ONECUT2: variants seen among roughly 807,000 people sequenced by gnomAD.
ONECUT2 encodes one cut domain family member 2.
A neutral mutation model predicts 27.9 loss-of-function variants in ONECUT2; 10 were observed. That is an observed-to-expected ratio of 0.36 (90% confidence interval 0.22 to 0.61). The LOEUF is 0.61. Among genes scored for constraint, ONECUT2 ranks in the 20% least tolerant of loss-of-function variants. ONECUT2 has a pLI of 0.73. For missense variants in ONECUT2, 686 were observed against 721.0 expected, an observed-to-expected ratio of 0.95 and a Z score of 0.56; for synonymous variants, 334 against 315.1, an observed-to-expected ratio of 1.06 and a Z score of -0.64.
In ONECUT2 at chr18:57,435,969, C is replaced by T. The variant is rs2050137485; in HGVS notation, c.253C>T (p.Pro85Ser). 4 of 1,420,574 alleles carry T rather than the reference C, an allele frequency of 2.8e-6. No homozygotes were observed. Among genetic ancestry groups the T allele is most frequent in the Non-Finnish European group, 3.7e-6 (4 of 1,093,348 alleles). The allele number at this position is 1,420,574 out of a possible 1,614,324, so 88.0% of individuals were successfully genotyped here. ...CTCGCTGCGGGGCCCTCCGCCGCCTCCAACCGCGCACCAGGAGCTGGGCAC... is the reference window on the plus strand; with the variant it reads ...CTCGCTGCGGGGCCCTCCGCCGCCTTCAACCGCGCACCAGGAGCTGGGCAC... ...AGSLRGPPPP[P>S]TAHQELGTAA... Residue 85 changes from proline (P) to serine (S), a missense_variant, in exon 1 of 2, where the codon CCA becomes TCA. Physicochemically the swap from Pro to Ser is moderately conservative, Grantham distance 74. Around this residue, in one of 4 missense-constraint regions of ONECUT2, gnomAD observed 511 missense variants for 488.1 expected, o/e 1.05. Coordinates refer to ENST00000491143, the MANE Select transcript of ONECUT2 (RefSeq NM_004852.3).
rs909419939 is a variant in ONECUT2, at chr18:57,481,749, C to A, written c.*5026C>A. On this transcript the variant is annotated 3_prime_UTR_variant, in exon 2 of 2. Transcript: ENST00000491143. ...TATTTTAAAATCTAAGAAGAAAAGG[C>A]CTGTTTCCAATGTTGTTGAAGAATA... 2.6e-5 allele frequency: 4 copies of A among 152,120 alleles called. No homozygotes were observed. The highest frequency in any genetic ancestry group is 9.7e-5 in the African/African-American group (4 of 41,412). The allele number at this position is 152,120 out of a possible 1,614,324, so 9.4% of individuals were successfully genotyped here.
chr18:57,458,971 A>G (rs938709084), intron 1 of ONECUT2, among the ~76,000 whole-genome samples: 2 of 152,204 alleles, frequency 1.3e-5, no homozygotes, highest in African/African-American at 4.8e-5. Flanking sequence ...TATGATTTCT[A>G]ATGAACCTTG....
chr18:57,451,966 C>G (rs11872688), intron 1 of ONECUT2, among the ~76,000 whole-genome samples: 16,281 of 152,016 alleles, frequency 0.11, 1,754 homozygotes, highest in East Asian at 0.36. Context: ...TGGTGTTTTT[C>G]TTTGTTTGTT....
chr18:57,445,172 T>C (rs2050194757), intron 1 of ONECUT2, among the ~76,000 whole-genome samples: 1 of 152,202 alleles, frequency 6.6e-6, no homozygotes. Context: ...GTTGCCACAA[T>C]TATTTTGGTT....
intron 1 of ONECUT2, among the ~76,000 whole-genome samples, chr18:57,457,110 A>G (rs1345739177): frequency 1.3e-5 from 2 of 152,222 alleles, no homozygotes; most frequent in African/African-American, 2.4e-5. Flanking sequence ...AGGAACTGCC[A>G]TACTATTTCC....
At chr18:57,443,922 T>G (rs1020206398) in intron 1 of ONECUT2, among the ~76,000 whole-genome samples, 5 of 152,260 alleles carry the variant, frequency 3.3e-5, no homozygotes, top group South Asian at 2.1e-4. Context: ...TTGTTTGGGT[T>G]GGAAGCACAC....
rs2050440753 is a variant in ONECUT2, at chr18:57,486,752, G to A, written c.*10029G>A. ...TGGATTGGGGAAAGTTGCAGAATGAGCCCAAAGTTTACAGTTTCATATTTT... is the reference window on the plus strand; with the variant it reads ...TGGATTGGGGAAAGTTGCAGAATGAACCCAAAGTTTACAGTTTCATATTTT... On this transcript the variant is annotated 3_prime_UTR_variant, in exon 2 of 2. Transcript: ENST00000491143. 1 of 152,554 alleles carries A rather than the reference G, an allele frequency of 6.6e-6. No individual in the cohort carries two copies. The highest frequency in any genetic ancestry group is 2.4e-5 in the African/African-American group (1 of 41,416). The allele number at this position is 152,554 out of a possible 1,614,324, so 9.5% of individuals were successfully genotyped here. A position where few individuals can be genotyped will look rare whatever the true frequency, so the allele number is the denominator to read the frequency against.
Position 57,479,315 on chromosome 18 carries a change from T to G in ONECUT2, c.*2592T>G. 6.6e-6 allele frequency: 1 copy of G among 152,496 alleles called. No homozygotes were observed. Among genetic ancestry groups the G allele is most frequent in the South Asian group, 2.1e-4 (1 of 4,832 alleles). 9.4% of individuals were successfully genotyped at this position (152,496 alleles called of 1,614,324 possible). A position where few individuals can be genotyped will look rare whatever the true frequency, so the allele number is the denominator to read the frequency against. On this transcript the variant is annotated 3_prime_UTR_variant, in exon 2 of 2. Coordinates refer to ENST00000491143, the MANE Select transcript of ONECUT2 (RefSeq NM_004852.3). Reference sequence around the variant, plus strand: ...CTATTAGCTTTTTAAAAATCAGCTGTAAAGTTGCATTTCTAAAGAAAGATA... The same window carrying G: ...CTATTAGCTTTTTAAAAATCAGCTGGAAAGTTGCATTTCTAAAGAAAGATA...
At position 57,476,813 on chromosome 18, in the gene ONECUT2, G is replaced by A. The variant is rs3745071; in HGVS notation, c.*90G>A. 358,051 of 1,412,120 alleles carry A rather than the reference G, an allele frequency of 0.25. 49,988 individuals are homozygous for A. Among genetic ancestry groups the A allele is most frequent in the African/African-American group, 0.48 (33,369 of 69,422 alleles). 87.5% of individuals were successfully genotyped at this position (1,412,120 alleles called of 1,614,324 possible). A position where few individuals can be genotyped will look rare whatever the true frequency, so the allele number is the denominator to read the frequency against. ...AAAGGAAAAAGACACCGGATTCCTA[G>A]CTGGGGCCCTTCACTGGTGATTTGA... On this transcript the variant is annotated 3_prime_UTR_variant, in exon 2 of 2. Transcript: ENST00000491143.
chr18:57,446,291 C>T (rs964835352), intron 1 of ONECUT2, among the ~76,000 whole-genome samples: 2 of 152,236 alleles, frequency 1.3e-5, no homozygotes, highest in Non-Finnish European at 2.9e-5. Context: ...CAATCACACA[C>T]ATACAGAAAA....
intron 1 of ONECUT2, among the ~76,000 whole-genome samples, chr18:57,464,009 CT>C (rs1202629579): frequency 4.0e-5 from 6 of 151,766 alleles, no homozygotes; most frequent in African/African-American, 1.2e-4. Flanking sequence ...AAAAAAGTCC[CT>C]CATATTAACT....
chr18:57,442,303 C>T (rs2144295438), intron 1 of ONECUT2, among the ~76,000 whole-genome samples: 1 of 136,624 alleles, frequency 7.3e-6, no homozygotes, highest in East Asian at 2.2e-4. Flanking sequence ...CTGAGCTTTT[C>T]CAACAGCGGG....
At chr18:57,473,881 A>C (rs1304727025) in intron 1 of ONECUT2, among the ~76,000 whole-genome samples, 3 of 152,212 alleles carry the variant, frequency 2.0e-5, no homozygotes, top group Non-Finnish European at 2.9e-5. Context: ...TCCAACAAAA[A>C]TATGCAGTCT....
intron 1 of ONECUT2, among the ~76,000 whole-genome samples, chr18:57,473,949 G>C (rs1039569135): frequency 1.3e-5 from 2 of 152,200 alleles, no homozygotes; most frequent in African/African-American, 4.8e-5. Flanking sequence ...GGATGGCAGT[G>C]AGCAGTCTTA....
rs1043094076 is a variant in ONECUT2, at chr18:57,477,220, T to C, written c.*497T>C. On this transcript the variant is annotated 3_prime_UTR_variant, in exon 2 of 2. Transcript: ENST00000491143. ...AGCAACGAGAATGACCTCATTTGCT[T>C]TCCACATGCTTAGCCTCATTATACC... 10 of 158,262 alleles carry C rather than the reference T, an allele frequency of 6.3e-5. No individual in the cohort carries two copies. The South Asian group carries it at 1.9e-3, about 29-fold the overall frequency. 9.8% of individuals were successfully genotyped at this position (158,262 alleles called of 1,614,324 possible).
chr18:57,472,759 C>A (rs1013279328), intron 1 of ONECUT2, among the ~76,000 whole-genome samples: 2 of 152,140 alleles, frequency 1.3e-5, no homozygotes, highest in East Asian at 3.9e-4. Flanking sequence ...ATCCGACAAG[C>A]CAATGTGGAC....
At position 57,476,904 on chromosome 18, in the gene ONECUT2, T is replaced by C. The variant is rs2050386449; in HGVS notation, c.*181T>C. 5.7e-6 allele frequency: 4 copies of C among 701,288 alleles called. No individual in the cohort carries two copies. Among genetic ancestry groups the C allele is most frequent in the Non-Finnish European group, 9.3e-6 (4 of 431,298 alleles). 43.4% of individuals were successfully genotyped at this position (701,288 alleles called of 1,614,324 possible). A position where few individuals can be genotyped will look rare whatever the true frequency, so the allele number is the denominator to read the frequency against. ...AATCATAGGCCAGGTGTTCTTCTTT[T>C]GTTTTTAATGGCTATGGAGTCCAAG... On this transcript the variant is annotated 3_prime_UTR_variant, in exon 2 of 2. Coordinates refer to ENST00000491143, the MANE Select transcript of ONECUT2 (RefSeq NM_004852.3).
rs954970802 is a variant in ONECUT2 at position 57,482,332 on chromosome 18, C to T, written c.*5609C>T. 7.9e-5 allele frequency: 12 copies of T among 152,156 alleles called. No homozygotes were observed. Among genetic ancestry groups the T allele is most frequent in the African/African-American group, 2.9e-4 (12 of 41,446 alleles). The allele number at this position is 152,156 out of a possible 1,614,324, so 9.4% of individuals were successfully genotyped here. A position where few individuals can be genotyped will look rare whatever the true frequency, so the allele number is the denominator to read the frequency against. ...AGTTATTAAAATATATAGGACCTCA[C>T]ATAGGTAGATACAGAACTTACCATT... On this transcript the variant is annotated 3_prime_UTR_variant, in exon 2 of 2. Transcript: ENST00000491143.
At position 57,460,487 on chromosome 18, in the gene ONECUT2, T is replaced by C. The variant is rs561213276; in HGVS notation, c.1229-15950T>C. Among the ~76,000 whole-genome samples, 6 of 152,202 alleles carry C rather than the reference T, an allele frequency of 3.9e-5. No homozygotes were observed. In the South Asian group the frequency reaches 1.2e-3, roughly 32 times the overall value. On this transcript the variant is annotated intron_variant, in intron 1 of 1. Coordinates refer to ENST00000491143, the MANE Select transcript of ONECUT2 (RefSeq NM_004852.3). ...ATTAAATTCTGTGTCAACGTCATAC[T>C]ATTTAAATTATTTTTGCTTTATGAT...
Sources: gnomAD v4.1 joint callset for allele counts (sites outside exome capture counted in the v4.1 genomes callset) on GRCh38, gnomAD v4.1.1 for gene constraint, gnomAD v4.1.1 regional missense constraint, MANE v1.5 for transcripts, NCBI Gene and HGNC (gene_info 2026-07-23, HGNC 2026-07-21) for gene names.